The following CLTCL1 variants were observed in gnomAD, a reference collection of about 807,000 sequenced individuals.
CLTCL1 encodes clathrin heavy chain like 1.
A neutral mutation model predicts 190.0 loss-of-function variants in CLTCL1; 159 were observed. The observed-to-expected ratio is 0.84, with a 90% CI of 0.74 to 0.95. The LOEUF is 0.95. CLTCL1 is among the 40% of genes least tolerant of loss of function. The pLI is 0.00. For synonymous variants in CLTCL1, 752 were observed against 769.6 expected, an observed-to-expected ratio of 0.98 and a Z score of 0.38; for missense variants, 1,878 against 2,033.4, an observed-to-expected ratio of 0.92 and a Z score of 1.47.
rs188267174 is a variant in CLTCL1 at position 19,183,092 on chromosome 22, G to A, written c.4827+298C>T. 5.2e-3 allele frequency: 1,949 copies of A among 374,780 alleles called. 8 individuals are homozygous for A. Among genetic ancestry groups the A allele is most frequent in the Non-Finnish European group, 8.2e-3 (1,624 of 198,728 alleles). 23.2% of individuals were successfully genotyped at this position (374,780 alleles called of 1,614,324 possible). A position where few individuals can be genotyped will look rare whatever the true frequency, so the allele number is the denominator to read the frequency against. ...CTTGTTGAAGTCCAGGGCTGGGGAT[G>A]AGCACGCCTGTTGTGCTCCTAGCAG... On this transcript the variant is annotated intron_variant, in intron 30 of 32. Transcript: ENST00000427926.
At position 19,216,172 on chromosome 22, in the gene CLTCL1, T is replaced by C. The variant is rs150644502; in HGVS notation, c.3004A>G (p.Asn1002Asp). The change falls in exon 19 of 33, where the codon AAT becomes GAT. Residue 1002 changes from asparagine (N) to aspartate (D), a missense_variant. Asn to Asp is a conservative substitution (Grantham distance 23, BLOSUM62 1). Transcript: ENST00000427926. ...TTCTCCAGCAGTTCAATCAGTTCAT[T>C]AGGCAGGTCGGCTGTCATAAAGGCT... ...VKAFMTADLP[N>D]ELIELLEKIV... The C allele has an allele frequency of 2.3e-4, 370 of 1,613,964 alleles. 2 individuals are homozygous for C. The African/African-American group carries it at 4.1e-3, about 18-fold the overall frequency.
At chr22:19,214,610 T>C (rs2085327970) in intron 19 of CLTCL1, among the ~76,000 whole-genome samples, 1 of 152,140 alleles carries the variant, frequency 6.6e-6, no homozygotes, top group Non-Finnish European at 1.5e-5. Flanking sequence ...CTGGTTTCTG[T>C]GACTGGCTTA....
chr22:19,283,956 C>T (rs1555988617), intron 1 of CLTCL1, among the ~76,000 whole-genome samples: 2 of 147,922 alleles, frequency 1.4e-5, no homozygotes. Flanking sequence ...TGTGCCACTG[C>T]ACTCCAGCCT....
At chr22:19,208,449 T>G in intron 21 of CLTCL1, 138 bp from the exon 22 acceptor site, 1 of 988,258 alleles carries the variant, frequency 1.0e-6, no homozygotes, top group Non-Finnish European at 1.5e-6. Flanking sequence ...CCAGATAACG[T>G]CTAGGAGGTC....
At chr22:19,249,219 C>T (rs782778769) in intron 3 of CLTCL1, among the ~76,000 whole-genome samples, 17 of 151,946 alleles carry the variant, frequency 1.1e-4, no homozygotes, top group Non-Finnish European at 1.6e-4. Context: ...ATTAGCAGTG[C>T]GTGGTGGCAC....
At chr22:19,211,128 TA>T (rs1555946492) in intron 19 of CLTCL1, among the ~76,000 whole-genome samples, 1 of 152,174 alleles carries the variant, frequency 6.6e-6, no homozygotes, top group African/African-American at 2.4e-5. Context: ...AAAATCAGTG[TA>T]ACACACCACA....
chr22:19,204,868 C>G (rs2085002824), intron 22 of CLTCL1, among the ~76,000 whole-genome samples: 1 of 152,146 alleles, frequency 6.6e-6, no homozygotes, highest in African/African-American at 2.4e-5. Context: ...AGAGAGCTTG[C>G]CAGGCCTGGG....
At chr22:19,184,676 T>A (rs782181154) in intron 29 of CLTCL1, 3 of 421,878 alleles carry the variant, frequency 7.1e-6, no homozygotes, top group Non-Finnish European at 1.4e-5. Flanking sequence ...CTGACTTGTC[T>A]TCCACATGTG....
chr22:19,248,669 T>C (rs2146018862), intron 3 of CLTCL1, among the ~76,000 whole-genome samples: 1 of 152,332 alleles, frequency 6.6e-6, no homozygotes, highest in South Asian at 2.1e-4. Context: ...TATGTGGTCT[T>C]TTGTGACTGG....
intron 19 of CLTCL1, among the ~76,000 whole-genome samples, chr22:19,214,800 C>A (rs2085335270): frequency 6.6e-6 from 1 of 152,128 alleles, no homozygotes; most frequent in African/African-American, 2.4e-5. Flanking sequence ...CCCGCCTCAG[C>A]CTCCCGAGTA....
At chr22:19,224,364 T>A (rs1273215063) in intron 13 of CLTCL1, among the ~76,000 whole-genome samples, 1 of 151,946 alleles carries the variant, frequency 6.6e-6, no homozygotes, top group Non-Finnish European at 1.5e-5. Flanking sequence ...CCCACTGAGG[T>A]AATCTGAAAT....
chr22:19,233,032 G>T, intron 9 of CLTCL1, 134 bp downstream of exon 9: 3 of 918,378 alleles, frequency 3.3e-6, no homozygotes, highest in Non-Finnish European at 5.0e-6. Flanking sequence ...TATGAATAAA[G>T]ATCCTAACAG....
At chr22:19,210,632 T>C (rs2085190968) in intron 19 of CLTCL1, 123 bp from the exon 20 acceptor site, 11 of 660,402 alleles carry the variant, frequency 1.7e-5, no homozygotes, top group Middle Eastern at 4.3e-4. Context: ...TACACACACA[T>C]AACTGCTAAG....
chr22:19,210,253 C>G (rs2085176006), intron 20 of CLTCL1, 73 bp downstream of exon 20: 1 of 1,471,240 alleles, frequency 6.8e-7, no homozygotes, highest in African/African-American at 1.4e-5. Flanking sequence ...TTGGAGAGGA[C>G]AAGGGCTTGC....
rs951652410 is a variant in CLTCL1 at position 19,291,649 on chromosome 22, G to A, written c.-8C>T. ...AGGGAGGATCTGCGCCATGGCTGGT[G>A]CGGGACCTCGGCGGCGGCGGCGGCA... On this transcript the variant is annotated 5_prime_UTR_variant, in exon 1 of 33. Coordinates refer to ENST00000427926, the MANE Select transcript of CLTCL1 (RefSeq NM_007098.4). 2.9e-6 allele frequency: 4 copies of A among 1,384,206 alleles called. No individual in the cohort carries two copies. Among genetic ancestry groups the A allele is most frequent in the South Asian group, 1.6e-5 (1 of 62,212 alleles). The allele number at this position is 1,384,206 out of a possible 1,614,324, so 85.7% of individuals were successfully genotyped here.
At chr22:19,230,098 G>GTTT (rs34894771) in intron 10 of CLTCL1, 123 bp from the exon 11 acceptor site, 9 of 686,682 alleles carry the variant, frequency 1.3e-5, no homozygotes, top group African/African-American at 1.0e-4. Flanking sequence ...CCCTCCCTTG[G>GTTT]TTTTTTTTTT....
At chr22:19,186,355 C>T (rs1937638860) in intron 29 of CLTCL1, among the ~76,000 whole-genome samples, 1 of 151,988 alleles carries the variant, frequency 6.6e-6, no homozygotes, top group Non-Finnish European at 1.5e-5. Flanking sequence ...GATGTTCAGG[C>T]CAAGCAGAGG....
rs532937657 is a variant in CLTCL1 at position 19,224,035 on chromosome 22, G to T, written c.2148C>A (p.Gly716=). ...KSYKGLFYFL[G]SIVNFSQDPD... ...GGTCTTGGCTGAAGTTCACGATTGA[G>T]CCCAGGAAGTAGAAGAGGCCTATGA... The change falls in exon 14 of 33, where the codon GGC becomes GGA. Residue 716 remains glycine (G), a synonymous_variant. Coordinates refer to ENST00000427926, the MANE Select transcript of CLTCL1 (RefSeq NM_007098.4). The T allele has an allele frequency of 9.3e-6, 15 of 1,613,926 alleles. No individual in the cohort carries two copies. The East Asian group carries it at 3.1e-4, about 34-fold the overall frequency.
chr22:19,215,980 T>C lies in CLTCL1; in HGVS notation c.3065+131A>G, dbSNP rs189296823. The C allele has an allele frequency of 7.8e-6, 6 of 765,046 alleles. 1 individual carries two copies. The East Asian group carries it at 1.1e-4, about 14-fold the overall frequency. The allele number at this position is 765,046 out of a possible 1,614,324, so 47.4% of individuals were successfully genotyped here. A position where few individuals can be genotyped will look rare whatever the true frequency, so the allele number is the denominator to read the frequency against. The stretch of plus-strand genomic sequence containing the variant: ...TGAGGTAGAGGAGGTGGTAAGAAGA[T>C]TGGCATGTCTGGGGAGCAGCCAATG... On this transcript the variant is annotated intron_variant, in intron 19 of 32. Coordinates refer to ENST00000427926, the MANE Select transcript of CLTCL1 (RefSeq NM_007098.4).
Sources: allele counts gnomAD v4.1 joint callset (sites outside exome capture counted in the v4.1 genomes callset), GRCh38; gene constraint gnomAD v4.1.1; transcripts MANE v1.5; gene names NCBI Gene and HGNC (gene_info 2026-07-23, HGNC 2026-07-21).